The following SGCZ variants were observed in gnomAD, a reference collection of about 807,000 sequenced individuals.
SGCZ encodes the protein zeta-sarcoglycan.
In SGCZ, 40 loss-of-function variants were observed where a neutral mutation model predicts 41.3. That is an observed-to-expected ratio of 0.97 (90% confidence interval 0.75 to 1.26). SGCZ has a LOEUF of 1.26. Among genes scored for constraint, SGCZ ranks in the 50% most tolerant of loss-of-function variants. SGCZ has a pLI of 0.00. For synonymous variants in SGCZ, 206 were observed against 137.5 expected (o/e 1.50, Z -3.49); for missense variants, 552 against 369.8 (o/e 1.49, Z -4.04).
At chr8:14,304,986 T>C (rs1444328440) in intron 3 of SGCZ, among the ~76,000 whole-genome samples, 1 of 152,166 alleles carries the variant, frequency 6.6e-6, no homozygotes, top group Admixed American at 6.5e-5. Context: ...AAGACTATGA[T>C]GATTACATGA....
Position 14,815,962 on chromosome 8 carries a change from T to A in SGCZ, c.40-261036A>T, listed in dbSNP as rs76788387. Among the ~76,000 whole-genome samples the A allele has an allele frequency of 1.0e-3, 152 of 152,356 alleles. 1 individual carries two copies. In the East Asian group the frequency reaches 0.028, roughly 28 times the overall value. ...CTTTAGAAGCATCATCCAATAAAAA[T>A]ATAATGTGAGCCATTATACAATTTT... On this transcript the variant is annotated intron_variant, in intron 1 of 7. Transcript: ENST00000382080.
rs148619463 is a variant in SGCZ at position 15,014,296 on chromosome 8, G to A, written c.39+223289C>T. On this transcript the variant is annotated intron_variant, in intron 1 of 7. Transcript: ENST00000382080. ...ATGGAGGCCAAGGGATGTGCTGGGC[G>A]TGGTGTCAGCCCCCCAAGGCATTGA... Among the ~76,000 whole-genome samples, 8 of 152,284 alleles carry A rather than the reference G, an allele frequency of 5.3e-5. No individual in the cohort carries two copies. The East Asian group carries it at 5.8e-4, about 11-fold the overall frequency.
chr8:14,302,423 T>G (rs1801222566), intron 3 of SGCZ, among the ~76,000 whole-genome samples: 1 of 152,180 alleles, frequency 6.6e-6, no homozygotes, highest in African/African-American at 2.4e-5. Context: ...CAGACATAAA[T>G]GAATCAATTT....
At chr8:14,150,957 G>A (rs1585181162) in intron 5 of SGCZ, among the ~76,000 whole-genome samples, 1 of 152,130 alleles carries the variant, frequency 6.6e-6, no homozygotes, top group South Asian at 2.1e-4. Flanking sequence ...TCACTTATTT[G>A]TGGGACCTAA....
At chr8:15,228,170 T>C (rs1475262079) in intron 1 of SGCZ, among the ~76,000 whole-genome samples, 1 of 152,242 alleles carries the variant, frequency 6.6e-6, no homozygotes. Flanking sequence ...GTATGTAATA[T>C]ATTCATCTTT....
chr8:14,214,518 C>G (rs1427852801), intron 4 of SGCZ, among the ~76,000 whole-genome samples: 1 of 152,070 alleles, frequency 6.6e-6, no homozygotes, highest in Non-Finnish European at 1.5e-5. Flanking sequence ...ACTTTCTGTA[C>G]TAGTTTTACT....
chr8:14,929,416 C>T (rs763752300), intron 1 of SGCZ, among the ~76,000 whole-genome samples: 1 of 151,964 alleles, frequency 6.6e-6, no homozygotes, highest in Non-Finnish European at 1.5e-5. Flanking sequence ...AAGTGCCAAA[C>T]TGATACTCTC....
chr8:14,149,673 C>G lies in SGCZ; in HGVS notation c.547+14907G>C, dbSNP rs192652614. Among the ~76,000 whole-genome samples the G allele has an allele frequency of 4.5e-3, 634 of 140,588 alleles. 2 individuals carry two copies. Among genetic ancestry groups the G allele is most frequent in the Non-Finnish European group, 7.4e-3 (478 of 64,324 alleles). 92.2% of individuals were successfully genotyped at this position (140,588 alleles called of 152,430 possible). ...CTTCATAGGAAAAAAAAAAAAAACACAATCCTAAACTTTATATGAAACCAC... is the reference window on the plus strand; with the variant it reads ...CTTCATAGGAAAAAAAAAAAAAACAGAATCCTAAACTTTATATGAAACCAC... On this transcript the variant is annotated intron_variant, in intron 5 of 7. Coordinates refer to ENST00000382080, the MANE Select transcript of SGCZ (RefSeq NM_139167.4).
intron 1 of SGCZ, chr8:14,879,830 T>C (rs1333169139): frequency 1.3e-5 from 2 of 151,442 alleles, no homozygotes; most frequent in Non-Finnish European, 3.0e-5. Context: ...TTTTTGTTTT[T>C]AGGTTTTTTT....
intron 4 of SGCZ, among the ~76,000 whole-genome samples, chr8:14,169,000 A>C (rs1804293383): frequency 6.6e-6 from 1 of 152,144 alleles, no homozygotes; most frequent in Non-Finnish European, 1.5e-5. Flanking sequence ...ACTAAGATTT[A>C]AGAAATGTTC....
intron 3 of SGCZ, among the ~76,000 whole-genome samples, chr8:14,246,802 C>T (rs919420159): frequency 1.4e-5 from 2 of 145,640 alleles, no homozygotes; most frequent in Non-Finnish European, 3.0e-5. Flanking sequence ...CCCAGCTACT[C>T]GGGAGGCTGA....
chr8:15,119,677 T>C (rs1807406960), intron 1 of SGCZ, among the ~76,000 whole-genome samples: 1 of 152,184 alleles, frequency 6.6e-6, no homozygotes, highest in African/African-American at 2.4e-5. Flanking sequence ...ATTCCTTTTG[T>C]ATTTCTGTCA....
At chr8:14,774,065 G>C (rs1256859326) in intron 1 of SGCZ, among the ~76,000 whole-genome samples, 1 of 152,048 alleles carries the variant, frequency 6.6e-6, no homozygotes, top group Non-Finnish European at 1.5e-5. Context: ...GTTTTTGCAC[G>C]GGTGTTTTTC....
At chr8:14,533,308 T>C (rs1218903644) in intron 2 of SGCZ, among the ~76,000 whole-genome samples, 1 of 151,544 alleles carries the variant, frequency 6.6e-6, no homozygotes, top group Non-Finnish European at 1.5e-5. Flanking sequence ...TTTAAGAATT[T>C]TTTACATTTT....
chr8:14,614,380 T>A lies in SGCZ; in HGVS notation c.40-59454A>T, dbSNP rs531030591. ...AAATTTACACATCTCACCCTCCCAATACAGAATAAAAAAATGTAAACTAAA... is the reference window on the plus strand; with the variant it reads ...AAATTTACACATCTCACCCTCCCAAAACAGAATAAAAAAATGTAAACTAAA... On this transcript the variant is annotated intron_variant, in intron 1 of 7. Transcript: ENST00000382080. 2.0e-5 allele frequency among the ~76,000 whole-genome samples: 3 copies of A among 152,238 alleles called. No individual in the cohort carries two copies. In the East Asian group the frequency reaches 5.8e-4, roughly 29 times the overall value.
intron 1 of SGCZ, among the ~76,000 whole-genome samples, chr8:14,970,748 G>C (rs1261134719): frequency 6.6e-6 from 1 of 152,202 alleles, no homozygotes. Flanking sequence ...CCTCCTGCTA[G>C]ATTCTCCTTT....
chr8:15,199,134 G>A (rs570556145), intron 1 of SGCZ, among the ~76,000 whole-genome samples: 5 of 152,200 alleles, frequency 3.3e-5, no homozygotes, highest in East Asian at 3.9e-4. Context: ...AATGATACCC[G>A]ACATTCTAAA....
intron 2 of SGCZ, among the ~76,000 whole-genome samples, chr8:14,447,111 A>T (rs551893214): frequency 6.6e-6 from 1 of 152,264 alleles, no homozygotes; most frequent in Non-Finnish European, 1.5e-5. Context: ...TAGTCAATTA[A>T]AACACCAACC....
At chr8:14,140,321 G>A (rs1008863616) in intron 5 of SGCZ, among the ~76,000 whole-genome samples, 3 of 152,112 alleles carry the variant, frequency 2.0e-5, no homozygotes, top group Admixed American at 6.5e-5. Flanking sequence ...TCTGGCCAGG[G>A]AAATCAGGCA....
Sources: allele counts gnomAD v4.1 joint callset (sites outside exome capture counted in the v4.1 genomes callset), GRCh38; gene constraint gnomAD v4.1.1; transcripts MANE v1.5; gene names NCBI Gene and HGNC (gene_info 2026-07-23, HGNC 2026-07-21).